Variants in LRRC7 observed in about 807,000 individuals in gnomAD.
LRRC7 encodes leucine-rich repeat-containing protein 7.
Under a neutral mutation model 175.7 loss-of-function variants are expected in LRRC7, and 23 were observed. The ratio of observed to expected loss-of-function variants is 0.13; its 90% CI spans 0.09 to 0.19. The LOEUF (loss-of-function observed/expected upper bound fraction) is 0.19, where lower values mean the gene tolerates loss of function less well. Among genes scored for constraint, LRRC7 ranks in the 10% least tolerant of loss-of-function variants. The pLI, the probability that LRRC7 is intolerant of heterozygous loss-of-function variation, is 1.00. For missense variants in LRRC7, 1,354 were observed against 1,904.7 expected (o/e 0.71, Z 5.38); for synonymous variants, 685 against 680.9 (o/e 1.01, Z -0.09).
Position 69,753,292 on chromosome 1 carries a change from GTGTA to G in LRRC7, c.101-6895_101-6892del, listed in dbSNP as rs775829683. Among the ~76,000 whole-genome samples the G allele has an allele frequency of 9.8e-3, 1,209 of 123,892 alleles. 7 individuals are homozygous for G. Among genetic ancestry groups the G allele is most frequent in the Admixed American group, 0.026 (314 of 12,150 alleles). 81.3% of individuals were successfully genotyped at this position (123,892 alleles called of 152,430 possible). A position where few individuals can be genotyped will look rare whatever the true frequency, so the allele number is the denominator to read the frequency against. ...TTACATAAATCATTGTCGTGTGTGT[GTGTA>G]TGTGTGTGTGTGTGTGTGTGTGTGT... is the stretch of plus-strand genomic sequence containing the variant. On this transcript the variant is annotated intron_variant, in intron 2 of 26. Transcript: ENST00000651989.
intron 7 of LRRC7, among the ~76,000 whole-genome samples, chr1:69,865,018 T>G (rs1181379644): frequency 1.3e-5 from 2 of 152,138 alleles, no homozygotes; most frequent in African/African-American, 2.4e-5. Context: ...AGTTGTTTGT[T>G]GCCATTAGCC....
chr1:69,656,022 A>G (rs1158805957), intron 1 of LRRC7, among the ~76,000 whole-genome samples: 3 of 152,058 alleles, frequency 2.0e-5, no homozygotes, highest in Admixed American at 2.0e-4. Context: ...CTACATTCTC[A>G]CTTAGAGTTA....
intron 1 of LRRC7, among the ~76,000 whole-genome samples, chr1:69,605,269 G>A (rs955912161): frequency 1.3e-5 from 2 of 152,154 alleles, no homozygotes; most frequent in African/African-American, 4.8e-5. Flanking sequence ...ACGTGCCTTT[G>A]TTCCTCCTTT....
At chr1:70,010,090 T>C (rs898255507) in intron 11 of LRRC7, among the ~76,000 whole-genome samples, 4 of 152,208 alleles carry the variant, frequency 2.6e-5, no homozygotes, top group African/African-American at 9.6e-5. Flanking sequence ...TAAAATCTGC[T>C]TTGTTTTTTG....
At chr1:69,886,838 G>C (rs1344592109) in intron 7 of LRRC7, among the ~76,000 whole-genome samples, 1 of 149,808 alleles carries the variant, frequency 6.7e-6, no homozygotes, top group African/African-American at 2.4e-5. Context: ...CTCAGCATTT[G>C]CTTGTCTGTA....
intron 7 of LRRC7, among the ~76,000 whole-genome samples, chr1:69,855,935 A>G (rs1281806503): frequency 6.6e-6 from 1 of 152,086 alleles, no homozygotes; most frequent in Non-Finnish European, 1.5e-5. Flanking sequence ...TTTATCAGAG[A>G]CTAGGATTGC....
intron 1 of LRRC7, among the ~76,000 whole-genome samples, chr1:69,666,361 C>A (rs919284339): frequency 1.1e-4 from 16 of 152,078 alleles, no homozygotes; most frequent in African/African-American, 3.6e-4. Flanking sequence ...TTCCTTCCTC[C>A]TCTATTTTTC....
chr1:70,008,191 T>TG (rs1184826323), intron 11 of LRRC7, among the ~76,000 whole-genome samples: 1 of 152,158 alleles, frequency 6.6e-6, no homozygotes, highest in African/African-American at 2.4e-5. Flanking sequence ...AGATGTAGGC[T>TG]GGGGGGCTAG....
chr1:70,090,817 C>T (rs1375166176), intron 25 of LRRC7, among the ~76,000 whole-genome samples: 1 of 152,126 alleles, frequency 6.6e-6, no homozygotes, highest in Non-Finnish European at 1.5e-5. Context: ...AGACCTACTT[C>T]TGAAAAACCT....
At chr1:69,859,742 G>T (rs1684157540) in intron 7 of LRRC7, among the ~76,000 whole-genome samples, 1 of 151,840 alleles carries the variant, frequency 6.6e-6, no homozygotes, top group Non-Finnish European at 1.5e-5. Context: ...AGTTGAGAAA[G>T]AAATAAGGAA....
At chr1:69,737,497 A>G (rs1472285375) in intron 2 of LRRC7, among the ~76,000 whole-genome samples, 2 of 152,058 alleles carry the variant, frequency 1.3e-5, no homozygotes, top group Non-Finnish European at 2.9e-5. Flanking sequence ...CTTCATAGCA[A>G]TATGAAAAAA....
intron 7 of LRRC7, among the ~76,000 whole-genome samples, chr1:69,886,507 G>A (rs1025524775): frequency 5.3e-5 from 8 of 152,070 alleles, no homozygotes; most frequent in African/African-American, 1.9e-4. Flanking sequence ...GAGCTTATGT[G>A]TGTCTCTGCA....
chr1:69,780,040 G>A (rs1265327402), intron 3 of LRRC7, among the ~76,000 whole-genome samples: 15 of 152,108 alleles, frequency 9.9e-5, no homozygotes, highest in Non-Finnish European at 1.0e-4. Flanking sequence ...TCTACTAACA[G>A]TGCTTTCATG....
At chr1:69,916,609 T>A (rs769526878) in intron 7 of LRRC7, among the ~76,000 whole-genome samples, 5 of 152,074 alleles carry the variant, frequency 3.3e-5, no homozygotes, top group Non-Finnish European at 5.9e-5. Context: ...CCTTGGCAAC[T>A]ATCAATTAAT....
intron 1 of LRRC7, among the ~76,000 whole-genome samples, chr1:69,638,585 TATCA>T (rs1478301218): frequency 2.0e-5 from 3 of 151,758 alleles, no homozygotes; most frequent in Non-Finnish European, 4.4e-5. Context: ...ACCGAGAGTA[TATCA>T]ATTAAGCCAA....
At chr1:69,843,392 G>C (rs1000817928) in intron 7 of LRRC7, among the ~76,000 whole-genome samples, 24 of 152,026 alleles carry the variant, frequency 1.6e-4, no homozygotes, top group Admixed American at 6.6e-4. Flanking sequence ...AATAGGATTA[G>C]ATTTCATTAT....
chr1:69,744,322 A>G (rs1214200771), intron 2 of LRRC7, among the ~76,000 whole-genome samples: 2 of 151,776 alleles, frequency 1.3e-5, no homozygotes, highest in South Asian at 2.1e-4. Context: ...CTTTTCTACT[A>G]TCCTTAAAGA....
intron 1 of LRRC7, among the ~76,000 whole-genome samples, chr1:69,663,803 G>A (rs1299169294): frequency 1.5e-5 from 2 of 131,726 alleles, no homozygotes; most frequent in Non-Finnish European, 3.1e-5. Context: ...CTCACTGCAA[G>A]CTCCGCTTCC....
chr1:69,678,967 G>A (rs1660143731), intron 2 of LRRC7, among the ~76,000 whole-genome samples: 1 of 151,954 alleles, frequency 6.6e-6, no homozygotes, highest in African/African-American at 2.4e-5. Flanking sequence ...TTGCCAAATG[G>A]AAACATTTGA....
Sources: allele counts gnomAD v4.1 joint callset (sites outside exome capture counted in the v4.1 genomes callset), GRCh38; gene constraint gnomAD v4.1.1; transcripts MANE v1.5; gene names NCBI Gene and HGNC (gene_info 2026-07-23, HGNC 2026-07-21).